Variants in ZNF629 observed in about 807,000 individuals in gnomAD.
The protein encoded by ZNF629 is DNA-binding protein.
In ZNF629, 9 loss-of-function variants were observed where a neutral mutation model predicts 59.7. The ratio of observed to expected loss-of-function variants is 0.15; its 90% CI spans 0.09 to 0.26. The LOEUF (loss-of-function observed/expected upper bound fraction) is 0.26. ZNF629 is among the 10% of genes least tolerant of loss of function. The probability of loss-of-function intolerance (pLI) is 1.00; values close to 1 mark genes in which losing one functional copy is unlikely to be tolerated. For synonymous variants in ZNF629, 509 were observed against 498.9 expected (o/e 1.02, Z -0.27); for missense variants, 853 against 1,165.4 (o/e 0.73, Z 3.90).
In ZNF629 at chr16:30,783,962, C is replaced by T; in HGVS notation, c.366G>A (p.Trp122Ter). Residue 122 changes from tryptophan to a stop codon, truncating the protein, a stop_gained, in exon 3 of 3, where the codon TGG becomes TGA. Transcript: ENST00000262525. LOFTEE classifies it high-confidence loss of function. The part of the protein sequence containing the change: ...ASWQWGALTT[W>*]NSPPVVPANE... The stretch of plus-strand genomic sequence containing the variant: ...TGGCGGGGACGACTGGGGGGCTGTT[C>T]CATGTGGTGAGAGCGCCCCACTGCC... 6.3e-7 allele frequency: 1 copy of T among 1,585,968 alleles called. No homozygotes were observed. The highest frequency in any genetic ancestry group is 8.6e-7 in the Non-Finnish European group (1 of 1,166,050).
Position 30,786,893 on chromosome 16 carries a change from C to T in ZNF629, c.-34+135G>A, listed in dbSNP as rs1167781216. ...CCGCGCCCCCCGCCCGCCCCCACCC[C>T]GGCCACAGCCCCGGGCGCGGGTGGG... On this transcript the variant is annotated intron_variant, in intron 1 of 2. Coordinates refer to ENST00000262525, the MANE Select transcript of ZNF629 (RefSeq NM_001080417.3). This position sits in a 1 kb window ranked among gnomAD's most constrained non-coding sequence, Gnocchi z 4.8. 6.6e-6 allele frequency: 1 copy of T among 151,968 alleles called. No homozygotes were observed. The highest frequency in any genetic ancestry group is 1.5e-5 in the Non-Finnish European group (1 of 67,956). 9.4% of individuals were successfully genotyped at this position (151,968 alleles called of 1,614,324 possible). A position where few individuals can be genotyped will look rare whatever the true frequency, so the allele number is the denominator to read the frequency against.
rs747325317 is a variant in ZNF629, at chr16:30,781,908, G to GTGACTGCCTCTGGAGGGGGGT, written c.2399_2419dup (p.Val806_Thr807insAsnProProProGluAlaVal). On this transcript the variant is annotated inframe_insertion, in exon 3 of 3. Transcript: ENST00000262525. ...CTCACCTTCCTGATCTGTGGACAGG[G>GTGACTGCCTCTGGAGGGGGGT]TGACTGCCTCTGGAGGGGGGTCCTC... The GTGACTGCCTCTGGAGGGGGGT allele has an allele frequency of 6.5e-7, 1 of 1,541,944 alleles. No individual in the cohort carries two copies. Among genetic ancestry groups the GTGACTGCCTCTGGAGGGGGGT allele is most frequent in the African/African-American group, 1.4e-5 (1 of 72,478 alleles).
chr16:30,785,686 G>A (rs1369733654), intron 1 of ZNF629, among the ~76,000 whole-genome samples: 2 of 151,960 alleles, frequency 1.3e-5, no homozygotes, highest in Non-Finnish European at 2.9e-5. Context: ...CTTTCTTGAG[G>A]CTGTTTCCCA....
intron 2 of ZNF629, 63 bp downstream of exon 2, chr16:30,784,347 G>T: frequency 6.5e-7 from 1 of 1,545,528 alleles, no homozygotes; most frequent in Middle Eastern, 1.8e-4. Flanking sequence ...CCAGAGTCCA[G>T]GCCCCTCCCT....
chr16:30,785,454 G>A (rs2054324231), intron 1 of ZNF629, among the ~76,000 whole-genome samples: 1 of 152,184 alleles, frequency 6.6e-6, no homozygotes, highest in East Asian at 1.9e-4. Context: ...ATGGGAGGCT[G>A]GCAGGAGACA....
At position 30,784,507 on chromosome 16, in the gene ZNF629, C is replaced by T; in HGVS notation, c.-25G>A. On this transcript the variant is annotated 5_prime_UTR_variant, in exon 2 of 3. Transcript: ENST00000262525. ...TCCCAGAGCTCAGGACTGCAGTGTT[C>T]CAGGGACCCTGCGGGGGAAGACAGC... 2 of 1,518,198 alleles carry T rather than the reference C, an allele frequency of 1.3e-6. No homozygotes were observed. The highest frequency in any genetic ancestry group is 1.8e-6 in the Non-Finnish European group (2 of 1,135,788). 94.0% of individuals were successfully genotyped at this position (1,518,198 alleles called of 1,614,324 possible).
Position 30,781,865 on chromosome 16 carries a change from G to T in ZNF629, c.2463C>A (p.Pro821=), listed in dbSNP as rs1057312421. The change falls in exon 3 of 3, where the codon CCC becomes CCA. Residue 821 remains proline, a synonymous_variant. Transcript: ENST00000262525. ...CTTCCCCATGGCTGCTGCTCTCTGTGGGGGTAGGGGTCTCGCCCTCACCTT... is the reference window on the plus strand; with the variant it reads ...CTTCCCCATGGCTGCTGCTCTCTGTTGGGGTAGGGGTCTCGCCCTCACCTT... ...DQEGEGETPT[P]TESSSHGEGQ... 4 of 1,577,272 alleles carry T rather than the reference G, an allele frequency of 2.5e-6. No homozygotes were observed. Among genetic ancestry groups the T allele is most frequent in the Non-Finnish European group, 3.5e-6 (4 of 1,159,054 alleles).
Position 30,779,086 on chromosome 16 carries a change from T to A in ZNF629, c.*2632A>T, listed in dbSNP as rs2054259084. 1 of 152,260 alleles carries A rather than the reference T, an allele frequency of 6.6e-6. No individual in the cohort carries two copies. The highest frequency in any genetic ancestry group is 2.4e-5 in the African/African-American group (1 of 41,398). 9.4% of individuals were successfully genotyped at this position (152,260 alleles called of 1,614,324 possible). A position where few individuals can be genotyped will look rare whatever the true frequency, so the allele number is the denominator to read the frequency against. On this transcript the variant is annotated 3_prime_UTR_variant, in exon 3 of 3. Transcript: ENST00000262525. ...CCCCAGAGGTATCGAACCCTGCCCCTTTCCTACCGCAAGACGCCTGACCCT... is the reference window on the plus strand; with the variant it reads ...CCCCAGAGGTATCGAACCCTGCCCCATTCCTACCGCAAGACGCCTGACCCT...
rs1352895631 is a variant in ZNF629 at position 30,786,555 on chromosome 16, G to T, written c.-34+473C>A. Among the ~76,000 whole-genome samples, 1 of 152,122 alleles carries T rather than the reference G, an allele frequency of 6.6e-6. No individual in the cohort carries two copies. Among genetic ancestry groups the T allele is most frequent in the African/African-American group, 2.4e-5 (1 of 41,442 alleles). Reference sequence around the variant, plus strand: ...GGGAATGAGGAGCCGCCTCCCGAGAGATGTGGGGAACGGCCCAGGGTGACC... The same window carrying T: ...GGGAATGAGGAGCCGCCTCCCGAGATATGTGGGGAACGGCCCAGGGTGACC... On this transcript the variant is annotated intron_variant, in intron 1 of 2. Coordinates refer to ENST00000262525, the MANE Select transcript of ZNF629 (RefSeq NM_001080417.3). This position sits in a 1 kb window ranked among gnomAD's most constrained non-coding sequence, Gnocchi z 4.8.
Position 30,783,451 on chromosome 16 carries a change from G to A in ZNF629, c.877C>T (p.Pro293Ser), listed in dbSNP as rs376451498. The A allele has an allele frequency of 1.5e-4, 242 of 1,613,880 alleles. No individual in the cohort carries two copies. Among genetic ancestry groups the A allele is most frequent in the Non-Finnish European group, 2.0e-4 (233 of 1,179,938 alleles). The change falls in exon 3 of 3, where the codon CCC (proline) becomes TCC (serine). Residue 293 changes from proline to serine, a missense_variant. By Grantham distance (74) the Pro-to-Ser change is moderately conservative. This residue lies in a region of ZNF629 where 201 missense variants were observed against 536.5 expected (regional missense o/e 0.37). Transcript: ENST00000262525. ...THTGEKPYKC[P>S]ECGKRFGQNH... ...TGGCCGAAGCGCTTCCCGCACTCGGGGCACTTGTAGGGTTTCTCGCCTGTG... is the reference window on the plus strand; with the variant it reads ...TGGCCGAAGCGCTTCCCGCACTCGGAGCACTTGTAGGGTTTCTCGCCTGTG...
At position 30,783,942 on chromosome 16, in the gene ZNF629, G is replaced by T. The variant is rs1460606122; in HGVS notation, c.386C>A (p.Pro129His). 6.3e-7 allele frequency: 1 copy of T among 1,588,738 alleles called. No homozygotes were observed. Among genetic ancestry groups the T allele is most frequent in the Admixed American group, 1.8e-5 (1 of 56,876 alleles). ...CTCCCGCAGGCTGGGCTCGTTGGCG[G>T]GGACGACTGGGGGGCTGTTCCATGT... ...LTTWNSPPVV[P>H]ANEPSLRELV... The change falls in exon 3 of 3, where the codon CCC (proline) becomes CAC (histidine). Residue 129 changes from proline to histidine, a missense_variant. Around this residue, in one of 3 missense-constraint regions of ZNF629, gnomAD observed 232 missense variants for 193.4 expected, o/e 1.20. Transcript: ENST00000262525.
chr16:30,786,229 C>G lies in ZNF629; in HGVS notation c.-34+799G>C, dbSNP rs1003053732. On this transcript the variant is annotated intron_variant, in intron 1 of 2. Transcript: ENST00000262525. This position sits in a 1 kb window ranked among gnomAD's most constrained non-coding sequence, Gnocchi z 4.8. ...AGCTACTTAAGCTCCGAGAATCCCC[C>G]CTCCCCGCCTGTAAGTGTCTTTGGG... Among the ~76,000 whole-genome samples, 1 of 152,160 alleles carries G rather than the reference C, an allele frequency of 6.6e-6. No individual in the cohort carries two copies. Among genetic ancestry groups the G allele is most frequent in the East Asian group, 1.9e-4 (1 of 5,200 alleles).
At position 30,779,709 on chromosome 16, in the gene ZNF629, A is replaced by T. The variant is rs1270890754; in HGVS notation, c.*2009T>A. The T allele has an allele frequency of 1.3e-5, 2 of 152,198 alleles. No individual in the cohort carries two copies. The highest frequency in any genetic ancestry group is 2.4e-5 in the African/African-American group (1 of 41,436). The allele number at this position is 152,198 out of a possible 1,614,324, so 9.4% of individuals were successfully genotyped here. Reference sequence around the variant, plus strand: ...GATAGACAAATGGCGAAGGATTTGCATAAAGGTTGTGTGAAACTTTAGGTC... The same window carrying T: ...GATAGACAAATGGCGAAGGATTTGCTTAAAGGTTGTGTGAAACTTTAGGTC... On this transcript the variant is annotated 3_prime_UTR_variant, in exon 3 of 3. Coordinates refer to ENST00000262525, the MANE Select transcript of ZNF629 (RefSeq NM_001080417.3).
chr16:30,782,085 A>G lies in ZNF629; in HGVS notation c.2243T>C (p.Leu748Pro), dbSNP rs2054286679. The change falls in exon 3 of 3, where the codon CTG becomes CCG. Residue 748 changes from leucine (L) to proline (P), a missense_variant. Leu to Pro is a moderately conservative substitution (Grantham distance 98, BLOSUM62 -3). This residue lies in a region of ZNF629 where 420 missense variants were observed against 435.6 expected (regional missense o/e 0.96). Coordinates refer to ENST00000262525, the MANE Select transcript of ZNF629 (RefSeq NM_001080417.3). ...CAGGAGGACGGAAGAGCTCTTCCCCAGCTCTGGACTCTTCTGGGAGCTCTT... is the reference window on the plus strand; with the variant it reads ...CAGGAGGACGGAAGAGCTCTTCCCCGGCTCTGGACTCTTCTGGGAGCTCTT... Reference protein sequence around the residue: ...GGKSSQKSPELGKSSSVLLEH... With the variant: ...GGKSSQKSPEPGKSSSVLLEH... 5.7e-6 allele frequency: 9 copies of G among 1,584,002 alleles called. No homozygotes were observed. The highest frequency in any genetic ancestry group is 6.9e-6 in the Non-Finnish European group (8 of 1,164,620).
At position 30,786,452 on chromosome 16, in the gene ZNF629, G is replaced by T. The variant is rs975327390; in HGVS notation, c.-34+576C>A. Among the ~76,000 whole-genome samples the T allele has an allele frequency of 1.3e-5, 2 of 152,198 alleles. No individual in the cohort carries two copies. The highest frequency in any genetic ancestry group is 4.8e-5 in the African/African-American group (2 of 41,458). ...CACAGAGCATGGACGTGGGAAGACCGAGGGAGGCCGAGGCGCTGGGAGCCC... is the reference window on the plus strand; with the variant it reads ...CACAGAGCATGGACGTGGGAAGACCTAGGGAGGCCGAGGCGCTGGGAGCCC... On this transcript the variant is annotated intron_variant, in intron 1 of 2. Coordinates refer to ENST00000262525, the MANE Select transcript of ZNF629 (RefSeq NM_001080417.3). This position sits in a 1 kb window ranked among gnomAD's most constrained non-coding sequence, Gnocchi z 4.8.
rs2054335833 is a variant in ZNF629, at chr16:30,786,725, C to T, written c.-34+303G>A. ...CCGCCCCTGCCCCGGCCCCCGGGGT[C>T]CCGGCTCCTTCCAGCACTGCCAGGC... is the stretch of plus-strand genomic sequence containing the variant. On this transcript the variant is annotated intron_variant, in intron 1 of 2. Coordinates refer to ENST00000262525, the MANE Select transcript of ZNF629 (RefSeq NM_001080417.3). This position sits in a 1 kb window ranked among gnomAD's most constrained non-coding sequence, Gnocchi z 4.8. 6.6e-6 allele frequency among the ~76,000 whole-genome samples: 1 copy of T among 151,682 alleles called. No homozygotes were observed. The highest frequency in any genetic ancestry group is 2.1e-4 in the South Asian group (1 of 4,818).
In ZNF629 at chr16:30,779,867, A is replaced by C. The variant is rs1397981239; in HGVS notation, c.*1851T>G. The C allele has an allele frequency of 6.6e-6, 1 of 152,144 alleles. No individual in the cohort carries two copies. Among genetic ancestry groups the C allele is most frequent in the Non-Finnish European group, 1.5e-5 (1 of 68,018 alleles). 9.4% of individuals were successfully genotyped at this position (152,144 alleles called of 1,614,324 possible). ...AGGACAGCGCATTACTGGGGTTGGC[A>C]AGCACTTCCTTTCTGACCCAGCGCT... On this transcript the variant is annotated 3_prime_UTR_variant, in exon 3 of 3. Transcript: ENST00000262525.
Position 30,784,022 on chromosome 16 carries a change from G to A in ZNF629, c.306C>T (p.Thr102=), listed in dbSNP as rs777020584. 3 of 1,576,702 alleles carry A rather than the reference G, an allele frequency of 1.9e-6. No individual in the cohort carries two copies. Among genetic ancestry groups the A allele is most frequent in the East Asian group, 4.5e-5 (2 of 44,388 alleles). ...CGCAGGCCTTGGTCCAGTCAGATGGGGTAGGGACTACCTCCGGGGCTGGGG... is the reference window on the plus strand; with the variant it reads ...CGCAGGCCTTGGTCCAGTCAGATGGAGTAGGGACTACCTCCGGGGCTGGGG... ...LDPPAPEVVP[T]PSDWTKACEA... is the part of the protein sequence containing the mutation. Residue 102 remains threonine (T), a synonymous_variant, in exon 3 of 3, where the codon ACC becomes ACT. Coordinates refer to ENST00000262525, the MANE Select transcript of ZNF629 (RefSeq NM_001080417.3).
At chr16:30,784,359 AGCCGGGACCACCGTCTT>A in intron 2 of ZNF629, 34 bp downstream of exon 2, 1 of 1,545,030 alleles carries the variant, frequency 6.5e-7, no homozygotes, top group South Asian at 1.2e-5. Flanking sequence ...CCCCTCCCTG[AGCCGGGACCACCGTCTT>A]GCCGGGACCG....
Sources: allele counts gnomAD v4.1 joint callset (sites outside exome capture counted in the v4.1 genomes callset), GRCh38; gene constraint gnomAD v4.1.1; regional missense constraint gnomAD v4.1.1; non-coding constraint Gnocchi (gnomAD v3.1); transcripts MANE v1.5; gene names NCBI Gene and HGNC (gene_info 2026-07-23, HGNC 2026-07-21).